Variants in TNS1 observed in about 807,000 individuals in gnomAD.
TNS1 encodes tensin-1.
A neutral mutation model predicts 168.6 loss-of-function variants in TNS1; 62 were observed. The observed-to-expected ratio is 0.37, with a 90% CI of 0.30 to 0.45. The LOEUF is 0.45. Ranked by LOEUF, TNS1 falls within the 20% of genes least tolerant of loss-of-function variation. The pLI, the probability that TNS1 is intolerant of heterozygous loss-of-function variation, is 1.00. For missense variants in TNS1, 2,240 were observed against 2,339.4 expected (o/e 0.96, Z 0.88); for synonymous variants, 934 against 933.2 (o/e 1.00, Z -0.02).
chr2:217,900,317 TC>T (rs1952814078), intron 7 of TNS1, 145 bp downstream of exon 7: 2 of 874,272 alleles, frequency 2.3e-6, no homozygotes, highest in Non-Finnish European at 3.5e-6. Context: ...ACGCATCCTC[TC>T]CTGTGCCTTT....
intron 2 of TNS1, 162 bp from the exon 3 acceptor site, chr2:217,978,964 G>A: frequency 1.6e-6 from 1 of 618,728 alleles, no homozygotes; most frequent in South Asian, 1.8e-5. Flanking sequence ...GGGACGGAGG[G>A]GAGCGGCTGC....
intron 3 of TNS1, among the ~76,000 whole-genome samples, chr2:217,924,026 G>A (rs1456660877): frequency 6.6e-6 from 1 of 152,204 alleles, no homozygotes; most frequent in East Asian, 1.9e-4. Flanking sequence ...AGCCCAGGCA[G>A]GGAACTCCCT....
In TNS1 at chr2:217,835,113, C is replaced by G. The variant is rs1420395068; in HGVS notation, c.3258G>C (p.Pro1086=). The G allele has an allele frequency of 6.3e-7, 1 of 1,588,142 alleles. No homozygotes were observed. The highest frequency in any genetic ancestry group is 8.5e-7 in the Non-Finnish European group (1 of 1,170,742). Reference sequence around the variant, plus strand: ...TACCCCCACTGGGTGGTGGGCTGCTCGGGGAGGTTCCCTCCATCTCCTCGA... The same window carrying G: ...TACCCCCACTGGGTGGTGGGCTGCTGGGGGAGGTTCCCTCCATCTCCTCGA... ...EAFEEMEGTS[P]SSPPPSGVRS... Residue 1086 remains proline (P), a synonymous_variant, in exon 21 of 33, where the codon CCG becomes CCC. Transcript: ENST00000682258.
chr2:217,952,617 C>T (rs766020784), intron 3 of TNS1, among the ~76,000 whole-genome samples: 5 of 152,228 alleles, frequency 3.3e-5, no homozygotes, highest in Non-Finnish European at 7.3e-5. Context: ...CAGTCCCCAA[C>T]CTCCAGACTT....
At chr2:217,833,157 G>A (rs368694401) in intron 21 of TNS1, among the ~76,000 whole-genome samples, 11 of 152,214 alleles carry the variant, frequency 7.2e-5, no homozygotes, top group Non-Finnish European at 1.5e-4. Context: ...CCACAGGTAC[G>A]CGCATGTTTA....
rs1956320977 is a variant in TNS1, at chr2:217,931,537, A to G, written c.187-11301T>C. Among the ~76,000 whole-genome samples the G allele has an allele frequency of 2.0e-5, 3 of 152,130 alleles. No homozygotes were observed. The South Asian group carries it at 6.2e-4, about 32-fold the overall frequency. Reference sequence around the variant, plus strand: ...TGGGGCCACACTCAAATCCACACAGACATCAGAGACCCACACAGACATCAG... The same window carrying G: ...TGGGGCCACACTCAAATCCACACAGGCATCAGAGACCCACACAGACATCAG... On this transcript the variant is annotated intron_variant, in intron 3 of 32. Transcript: ENST00000682258.
intron 3 of TNS1, among the ~76,000 whole-genome samples, chr2:217,944,689 T>C (rs1957059634): frequency 1.3e-5 from 2 of 152,152 alleles, no homozygotes; most frequent in Non-Finnish European, 2.9e-5. Context: ...TAAGCTGAGC[T>C]CCAGTTAATG....
upstream of TNS1, among the ~76,000 whole-genome samples, chr2:218,010,890 C>G (rs1958700254): frequency 6.6e-6 from 1 of 152,192 alleles, no homozygotes; most frequent in African/African-American, 2.4e-5. Flanking sequence ...CACGTGGGGA[C>G]TCTGTGCACA....
chr2:217,839,865 G>T (rs1441171742), intron 19 of TNS1, among the ~76,000 whole-genome samples: 1 of 152,212 alleles, frequency 6.6e-6, no homozygotes, highest in Non-Finnish European at 1.5e-5. Context: ...GAGGGGATCC[G>T]GGAGGCCACC....
At chr2:218,009,261 G>A (rs1408026120) in intron 1 of TNS1, among the ~76,000 whole-genome samples, 2 of 152,148 alleles carry the variant, frequency 1.3e-5, no homozygotes, top group Non-Finnish European at 2.9e-5. Flanking sequence ...TCTAGGTCAT[G>A]ATCTTGGGGT....
chr2:217,941,205 T>C (rs1307043673), intron 3 of TNS1, among the ~76,000 whole-genome samples: 1 of 152,190 alleles, frequency 6.6e-6, no homozygotes, highest in Non-Finnish European at 1.5e-5. Flanking sequence ...GAGGCCAAAC[T>C]GGGCAGGGGT....
chr2:218,017,700 A>T (rs1344604475), intron 1 of TNS1, among the ~76,000 whole-genome samples: 6 of 152,390 alleles, frequency 3.9e-5, no homozygotes, highest in Middle Eastern at 3.4e-3. Flanking sequence ...CTTCTGTAAA[A>T]TGGAGACTAG....
intron 9 of TNS1, 50 bp from the exon 10 acceptor site, chr2:217,893,611 A>G: frequency 6.4e-7 from 1 of 1,553,702 alleles, no homozygotes; most frequent in Non-Finnish European, 8.7e-7. Flanking sequence ...TGCAGAGCCA[A>G]ACAAGCCAGC....
In TNS1 at chr2:217,948,537, G is replaced by A. The variant is rs2125969654; in HGVS notation, c.187-28301C>T. Among the ~76,000 whole-genome samples, 1 of 152,238 alleles carries A rather than the reference G, an allele frequency of 6.6e-6. No individual in the cohort carries two copies. Among genetic ancestry groups the A allele is most frequent in the African/African-American group, 2.4e-5 (1 of 41,530 alleles). On this transcript the variant is annotated intron_variant, in intron 3 of 32. Transcript: ENST00000682258. This position sits in a 1 kb window ranked among gnomAD's most constrained non-coding sequence, Gnocchi z 4.1. ...ATTTGAGCTGTACCTTCCCTCTTCT[G>A]ACCATGCCCTCCCCGCTACAGCTAG...
chr2:217,937,091 T>TA, intron 3 of TNS1: 1 of 450,288 alleles, frequency 2.2e-6, no homozygotes, highest in South Asian at 1.6e-5. Flanking sequence ...ATGGTACCTC[T>TA]TCTCCAAAGC....
chr2:217,920,006 T>G (rs1472879936), intron 4 of TNS1, among the ~76,000 whole-genome samples, 189 bp downstream of exon 4: 1 of 152,214 alleles, frequency 6.6e-6, no homozygotes, highest in Admixed American at 6.5e-5. Flanking sequence ...GCACTGCATC[T>G]CATCAGAAGG....
At chr2:217,934,266 G>A (rs1289640142) in intron 3 of TNS1, among the ~76,000 whole-genome samples, 2 of 152,192 alleles carry the variant, frequency 1.3e-5, no homozygotes, top group African/African-American at 4.8e-5. Context: ...TAGGTGATGG[G>A]AGGGGCTGAT....
At chr2:217,900,565 G>A (rs770678577) in intron 6 of TNS1, 53 bp from the exon 7 acceptor site, 85 of 1,506,298 alleles carry the variant, frequency 5.6e-5, no homozygotes, top group Non-Finnish European at 7.0e-5. Flanking sequence ...AGGATGGCAG[G>A]AGGAGCACAC....
intron 28 of TNS1, among the ~76,000 whole-genome samples, chr2:217,811,935 C>T (rs1272333928): frequency 1.3e-5 from 2 of 152,152 alleles, no homozygotes; most frequent in South Asian, 4.1e-4. Context: ...ATTTAGGCAC[C>T]GCCTTCTCTT....
Sources: allele counts gnomAD v4.1 joint callset (sites outside exome capture counted in the v4.1 genomes callset), GRCh38; gene constraint gnomAD v4.1.1; non-coding constraint Gnocchi (gnomAD v3.1); transcripts MANE v1.5; gene names NCBI Gene and HGNC (gene_info 2026-07-23, HGNC 2026-07-21).